The following PARD3 variants were observed in gnomAD, a reference collection of about 807,000 sequenced individuals.
PARD3 encodes the protein partitioning defective 3 homolog.
Under a neutral mutation model 155.4 loss-of-function variants are expected in PARD3, and 75 were observed. The observed-to-expected ratio is 0.48, with a 90% CI of 0.40 to 0.58. The LOEUF is 0.58. Ranked by LOEUF, PARD3 falls within the 20% of genes least tolerant of loss-of-function variation. The pLI, the probability that PARD3 is intolerant of heterozygous loss-of-function variation, is 0.00. For missense variants in PARD3, 1,642 were observed against 1,721.7 expected (o/e 0.95, Z 0.82); for synonymous variants, 576 against 610.5 (o/e 0.94, Z 0.83).
intron 5 of PARD3, among the ~76,000 whole-genome samples, chr10:34,448,652 T>A (rs1232693448): frequency 6.6e-6 from 1 of 151,852 alleles, no homozygotes; most frequent in East Asian, 1.9e-4. Flanking sequence ...AACATTTTTT[T>A]TTAATTAGCT....
At chr10:34,758,969 G>A (rs1000319559) in intron 1 of PARD3, among the ~76,000 whole-genome samples, 7 of 152,156 alleles carry the variant, frequency 4.6e-5, no homozygotes, top group African/African-American at 1.4e-4. Context: ...CATGGAGGAT[G>A]ATTTTTGCTG....
intron 1 of PARD3, among the ~76,000 whole-genome samples, chr10:34,739,949 G>A (rs943318939): frequency 1.3e-5 from 2 of 152,150 alleles, no homozygotes; most frequent in African/African-American, 4.8e-5. Flanking sequence ...AACCAGAGTT[G>A]GAAGGCAAGG....
Position 34,680,269 on chromosome 10 carries a change from G to A in PARD3, c.222+16049C>T, listed in dbSNP as rs1274031138. Among the ~76,000 whole-genome samples the A allele has an allele frequency of 2.6e-5, 4 of 152,126 alleles. No homozygotes were observed. In the East Asian group the frequency reaches 7.7e-4, roughly 29 times the overall value. ...CCTAACCCAAGGATTGAAAGATACA[G>A]TACATTCAGGCCAGTGTGGCAGCTC... On this transcript the variant is annotated intron_variant, in intron 2 of 24. Coordinates refer to ENST00000374788, the MANE Select transcript of PARD3 (RefSeq NM_001184785.2).
chr10:34,747,546 A>G (rs1264092153), intron 1 of PARD3, among the ~76,000 whole-genome samples: 2 of 152,252 alleles, frequency 1.3e-5, no homozygotes, highest in African/African-American at 4.8e-5. Context: ...TCAACTAAAA[A>G]TGAAAAGTTT....
intron 1 of PARD3, among the ~76,000 whole-genome samples, chr10:34,761,749 A>C (rs1039199605): frequency 2.0e-5 from 3 of 152,188 alleles, no homozygotes; most frequent in African/African-American, 7.2e-5. Flanking sequence ...TATGTTCTGC[A>C]GTGCACTATA....
At chr10:34,770,062 A>G (rs538241137) in intron 1 of PARD3, among the ~76,000 whole-genome samples, 2 of 152,242 alleles carry the variant, frequency 1.3e-5, no homozygotes, top group Admixed American at 6.5e-5. Flanking sequence ...GTATTAGCGG[A>G]TGGCCCTTCA....
At chr10:34,338,450 G>A (rs553399784) in intron 16 of PARD3, among the ~76,000 whole-genome samples, 29 of 152,274 alleles carry the variant, frequency 1.9e-4, no homozygotes, top group Admixed American at 3.3e-4. Context: ...TATCAGGTCC[G>A]GCCACCTTGC....
At chr10:34,410,502 C>T (rs1224247530) in intron 5 of PARD3, among the ~76,000 whole-genome samples, 1 of 152,104 alleles carries the variant, frequency 6.6e-6, no homozygotes, top group Non-Finnish European at 1.5e-5. Context: ...TAAATAAAAA[C>T]ATTTCAATAT....
chr10:34,307,398 A>C (rs1957466094), intron 20 of PARD3, among the ~76,000 whole-genome samples: 1 of 152,152 alleles, frequency 6.6e-6, no homozygotes, highest in Non-Finnish European at 1.5e-5. Context: ...CCCCACAGGC[A>C]AACTCTGGGA....
intron 6 of PARD3, among the ~76,000 whole-genome samples, chr10:34,401,539 T>C (rs1212292876): frequency 2.0e-5 from 3 of 152,164 alleles, no homozygotes; most frequent in Non-Finnish European, 4.4e-5. Flanking sequence ...TACAGTGTTG[T>C]TAACATGACA....
intron 1 of PARD3, among the ~76,000 whole-genome samples, chr10:34,757,400 T>C (rs566113468): frequency 3.9e-4 from 59 of 152,332 alleles, no homozygotes; most frequent in African/African-American, 1.3e-3. Flanking sequence ...GACTCTTAAA[T>C]TGTCTTTAAG....
intron 5 of PARD3, among the ~76,000 whole-genome samples, chr10:34,426,162 T>C (rs928067120): frequency 6.6e-6 from 1 of 152,162 alleles, no homozygotes; most frequent in Non-Finnish European, 1.5e-5. Flanking sequence ...ATTGTATCTC[T>C]ATCACTTACT....
At chr10:34,370,081 C>T (rs549022888) in intron 12 of PARD3, among the ~76,000 whole-genome samples, 155 of 152,100 alleles carry the variant, frequency 1.0e-3, no homozygotes, top group Middle Eastern at 3.4e-3. Flanking sequence ...AAAATGATAC[C>T]GCATACCTGG....
At chr10:34,523,152 G>A (rs1249417582) in intron 2 of PARD3, among the ~76,000 whole-genome samples, 1 of 152,106 alleles carries the variant, frequency 6.6e-6, no homozygotes, top group Non-Finnish European at 1.5e-5. Flanking sequence ...CTTAAACAGA[G>A]GGCTTAAAAG....
chr10:34,703,726 G>A (rs1032414540), intron 1 of PARD3, among the ~76,000 whole-genome samples: 4 of 151,986 alleles, frequency 2.6e-5, no homozygotes, highest in African/African-American at 7.2e-5. Context: ...TTGGTGGGGG[G>A]AAGGGAAGGA....
intron 20 of PARD3, among the ~76,000 whole-genome samples, chr10:34,288,819 T>G (rs1589065166): frequency 1.3e-5 from 2 of 152,332 alleles, no homozygotes; most frequent in South Asian, 4.1e-4. Context: ...ATCAGAGTTT[T>G]GCAATCTGCT....
rs185767329 is a variant in PARD3 at position 34,325,225 on chromosome 10, G to C, written c.2833+5892C>G. ...GGGTCTCGCCATGTTGGCCAGGCTG[G>C]TCTCGAACTCCTGATCTCAAGTGAT... is the stretch of plus-strand genomic sequence containing the variant. On this transcript the variant is annotated intron_variant, in intron 19 of 24. Coordinates refer to ENST00000374788, the MANE Select transcript of PARD3 (RefSeq NM_001184785.2). Among the ~76,000 whole-genome samples, 1,000 of 152,180 alleles carry C rather than the reference G, an allele frequency of 6.6e-3. 15 individuals are homozygous for C. Among genetic ancestry groups the C allele is most frequent in the Admixed American group, 0.03 (459 of 15,284 alleles).
intron 7 of PARD3, among the ~76,000 whole-genome samples, chr10:34,389,188 G>C (rs1006322432): frequency 6.2e-5 from 7 of 113,536 alleles, no homozygotes; most frequent in South Asian, 2.8e-4. Context: ...TAATACAAAA[G>C]TATGTTACAT....
At chr10:34,390,114 CAA>C (rs1395825462) in intron 7 of PARD3, among the ~76,000 whole-genome samples, 2 of 151,730 alleles carry the variant, frequency 1.3e-5, no homozygotes, top group African/African-American at 2.4e-5. Flanking sequence ...GCGTTTTTTT[CAA>C]AAGTTATTAA....
Sources: allele counts gnomAD v4.1 joint callset (sites outside exome capture counted in the v4.1 genomes callset), GRCh38; gene constraint gnomAD v4.1.1; transcripts MANE v1.5; gene names NCBI Gene and HGNC (gene_info 2026-07-23, HGNC 2026-07-21).